The following DNAH6 variants were observed in gnomAD, a reference collection of about 807,000 sequenced individuals.
DNAH6 encodes the protein axonemal beta dynein heavy chain 6.
In DNAH6, 340 loss-of-function variants were observed where a neutral mutation model predicts 491.4. The observed-to-expected ratio is 0.69, with a 90% confidence interval of 0.63 to 0.76. The LOEUF (loss-of-function observed/expected upper bound fraction) is 0.76. Ranked by LOEUF, DNAH6 falls within the 30% of genes least tolerant of loss-of-function variation. The pLI is 0.00. For missense variants in DNAH6, 4,443 were observed against 4,972.2 expected (o/e 0.89, Z 3.20); for synonymous variants, 1,603 against 1,686.1 (o/e 0.95, Z 1.21).
chr2:84,516,226 C>T (rs1675578926), upstream of DNAH6, among the ~76,000 whole-genome samples: 1 of 152,156 alleles, frequency 6.6e-6, no homozygotes, highest in African/African-American at 2.4e-5. Context: ...CGATAAGCAA[C>T]GAAGCAAACA....
chr2:84,525,533 T>C, intron 2 of DNAH6, 32 bp from the exon 3 acceptor site: 1 of 1,521,480 alleles, frequency 6.6e-7, no homozygotes, highest in Non-Finnish European at 8.8e-7. Context: ...CGAATGTTAA[T>C]AAAAATTAAC....
intron 11 of DNAH6, among the ~76,000 whole-genome samples, chr2:84,564,460 G>A (rs567083083): frequency 6.6e-6 from 1 of 152,092 alleles, no homozygotes; most frequent in African/African-American, 2.4e-5. Context: ...ATCATAAATG[G>A]GATTGAGTTA....
At position 84,692,417 on chromosome 2, in the gene DNAH6, GTAGATAGATAGATAGATAGA is replaced by G. The variant is rs3029918; in HGVS notation, c.7293-1785_7293-1766del. Reference sequence around the variant, plus strand: ...TTCAATTATCAACAATATAAATAAGGTAGATAGATAGATAGATAGATAGATAGATAGATAGATAGATAGAT... The same window carrying G: ...TTCAATTATCAACAATATAAATAAGGTAGATAGATAGATAGATAGATAGAT... On this transcript the variant is annotated intron_variant, in intron 45 of 76. Coordinates refer to ENST00000389394, the MANE Select transcript of DNAH6 (RefSeq NM_001370.2). 9.0e-3 allele frequency among the ~76,000 whole-genome samples: 1,303 copies of G among 144,964 alleles called. 6 individuals carry two copies. Among genetic ancestry groups the G allele is most frequent in the Middle Eastern group, 0.028 (8 of 284 alleles).
chr2:84,498,993 A>G, the DNAH6 span, among the ~76,000 whole-genome samples: 14 of 152,072 alleles, frequency 9.2e-5, no homozygotes, highest in South Asian at 1.9e-3. Context: ...CAATGGGAAT[A>G]AGCACTTCAT....
chr2:84,674,496 C>G (rs1453626938), intron 40 of DNAH6, among the ~76,000 whole-genome samples: 2 of 152,078 alleles, frequency 1.3e-5, no homozygotes, highest in East Asian at 3.9e-4. Flanking sequence ...GAGGGTCAGG[C>G]TGTGCAGAGG....
chr2:84,782,944 C>T (rs563181949), intron 65 of DNAH6, among the ~76,000 whole-genome samples: 19 of 152,146 alleles, frequency 1.2e-4, no homozygotes, highest in Admixed American at 2.6e-4. Context: ...GAGACTGGAT[C>T]GGCTAATGAA....
the DNAH6 span, among the ~76,000 whole-genome samples, chr2:84,509,471 T>C: frequency 6.6e-6 from 1 of 152,222 alleles, no homozygotes; most frequent in East Asian, 1.9e-4. Context: ...TGTGTGTCTC[T>C]TCACGTGAGA....
At chr2:84,673,416 A>G (rs972626580) in intron 40 of DNAH6, among the ~76,000 whole-genome samples, 2 of 152,132 alleles carry the variant, frequency 1.3e-5, no homozygotes, top group Non-Finnish European at 2.9e-5. Context: ...AGGACAAGAG[A>G]TGAGGGTCGA....
At chr2:84,763,280 CA>C (rs1674761159) in intron 64 of DNAH6, among the ~76,000 whole-genome samples, 1 of 151,880 alleles carries the variant, frequency 6.6e-6, no homozygotes, top group Admixed American at 6.6e-5. Flanking sequence ...ATCAAATGTA[CA>C]AAAAAAGAGC....
chr2:84,473,434 C>A, the DNAH6 span, among the ~76,000 whole-genome samples: 3 of 152,156 alleles, frequency 2.0e-5, no homozygotes, highest in Admixed American at 6.5e-5. Flanking sequence ...ACTATAACTC[C>A]TGTAGGCAAA....
At chr2:84,719,792 G>A (rs919431186) in intron 59 of DNAH6, among the ~76,000 whole-genome samples, 11 of 151,564 alleles carry the variant, frequency 7.3e-5, no homozygotes, top group Admixed American at 2.0e-4. Context: ...CCAAAGTGTC[G>A]GAATTACAGG....
intron 61 of DNAH6, among the ~76,000 whole-genome samples, chr2:84,729,654 A>T (rs1698960793): frequency 6.6e-6 from 1 of 152,224 alleles, no homozygotes; most frequent in African/African-American, 2.4e-5. Flanking sequence ...TATGTTTTAA[A>T]TACCATCAAA....
At chr2:84,644,680 G>A (rs1573340280) in intron 33 of DNAH6, among the ~76,000 whole-genome samples, 1 of 152,244 alleles carries the variant, frequency 6.6e-6, no homozygotes, top group East Asian at 1.9e-4. Context: ...TTATAAGTAA[G>A]AGCATACAGT....
chr2:84,493,673 A>G, the DNAH6 span, among the ~76,000 whole-genome samples: 2 of 152,172 alleles, frequency 1.3e-5, no homozygotes, highest in East Asian at 3.9e-4. Context: ...AGTTATGTAA[A>G]TGAGTCATCA....
chr2:84,481,081 A>G, the DNAH6 span, among the ~76,000 whole-genome samples: 1 of 152,142 alleles, frequency 6.6e-6, no homozygotes, highest in Non-Finnish European at 1.5e-5. Context: ...TCTAGCAAAC[A>G]CATCAGGACT....
In DNAH6 at chr2:84,703,640, A is replaced by AT. The variant is rs1312339560; in HGVS notation, c.8229+85dup. On this transcript the variant is annotated intron_variant, in intron 50 of 76. Transcript: ENST00000389394. Reference sequence around the variant, plus strand: ...CTTATATATAATGAGACACGATTGGATTTTTTTATTATATATGTTATTAAA... The same window carrying AT: ...CTTATATATAATGAGACACGATTGGATTTTTTTTATTATATATGTTATTAAA... 1.2e-5 allele frequency: 15 copies of AT among 1,212,324 alleles called. No homozygotes were observed. The Admixed American group carries it at 4.0e-4, about 32-fold the overall frequency. The allele number at this position is 1,212,324 out of a possible 1,614,324, so 75.1% of individuals were successfully genotyped here.
At chr2:84,693,126 CCTT>C (rs1288626871) in intron 45 of DNAH6, among the ~76,000 whole-genome samples, 1 of 151,958 alleles carries the variant, frequency 6.6e-6, no homozygotes, top group Non-Finnish European at 1.5e-5. Context: ...CAGTTCTATT[CCTT>C]CTTCTCATTC....
At chr2:84,718,944 G>A (rs111275937) in intron 59 of DNAH6, among the ~76,000 whole-genome samples, 2 of 152,296 alleles carry the variant, frequency 1.3e-5, no homozygotes, top group South Asian at 2.1e-4. Context: ...AAAACGTGTC[G>A]ATAGTAAGAT....
chr2:84,604,093 C>T (rs188483345), intron 18 of DNAH6, among the ~76,000 whole-genome samples: 13 of 152,290 alleles, frequency 8.5e-5, no homozygotes, highest in Non-Finnish European at 1.8e-4. Context: ...TGCTGTTTCT[C>T]CTTGTGGAGA....
Sources: allele counts gnomAD v4.1 joint callset (sites outside exome capture counted in the v4.1 genomes callset), GRCh38; gene constraint gnomAD v4.1.1; transcripts MANE v1.5; gene names NCBI Gene and HGNC (gene_info 2026-07-23, HGNC 2026-07-21).